Variants in COL25A1 observed in about 807,000 individuals in gnomAD.
COL25A1 encodes the protein collagen type XXV alpha 1 chain.
COL25A1 carries 103 observed loss-of-function variants against 128.4 expected under a neutral mutation model. The ratio of observed to expected loss-of-function variants is 0.80; its 90% CI spans 0.68 to 0.94. The LOEUF (loss-of-function observed/expected upper bound fraction) is 0.94. Ranked by LOEUF, COL25A1 falls within the 40% of genes least tolerant of loss-of-function variation. The probability of loss-of-function intolerance (pLI) is 0.00; values close to 1 mark genes in which losing one functional copy is unlikely to be tolerated. For synonymous variants in COL25A1, 279 were observed against 277.2 expected (o/e 1.01, Z -0.06); for missense variants, 745 against 840.0 (o/e 0.89, Z 1.40).
intron 3 of COL25A1, among the ~76,000 whole-genome samples, chr4:109,136,176 T>A (rs1047333032): frequency 6.6e-6 from 1 of 152,044 alleles, no homozygotes; most frequent in Non-Finnish European, 1.5e-5. Context: ...GGCGGGTGGA[T>A]CACCTGAGGT....
intron 11 of COL25A1, among the ~76,000 whole-genome samples, chr4:108,924,241 T>C (rs1272056286): frequency 1.3e-5 from 2 of 152,200 alleles, no homozygotes; most frequent in East Asian, 1.9e-4. Context: ...CTAATCTGCA[T>C]ATAAACCTTT....
At chr4:108,925,977 A>C (rs1182891359) in intron 11 of COL25A1, among the ~76,000 whole-genome samples, 1 of 152,220 alleles carries the variant, frequency 6.6e-6, no homozygotes, top group East Asian at 1.9e-4. Flanking sequence ...AACCCAAGTA[A>C]ATCTTCAAAG....
intron 3 of COL25A1, among the ~76,000 whole-genome samples, chr4:109,136,619 G>T (rs890196949): frequency 6.6e-6 from 1 of 152,342 alleles, no homozygotes; most frequent in Non-Finnish European, 1.5e-5. Flanking sequence ...GAACTGAAAA[G>T]GTTGATTTGC....
At chr4:108,996,231 A>G (rs1431362285) in intron 6 of COL25A1, among the ~76,000 whole-genome samples, 8 of 151,262 alleles carry the variant, frequency 5.3e-5, no homozygotes, top group Admixed American at 2.6e-4. Flanking sequence ...CCCATCTCAC[A>G]TGCAAAGACA....
At chr4:109,094,390 G>C (rs1765215473) in intron 3 of COL25A1, among the ~76,000 whole-genome samples, 1 of 152,130 alleles carries the variant, frequency 6.6e-6, no homozygotes, top group African/African-American at 2.4e-5. Context: ...AGCCCCATCA[G>C]AAGAGAATCA....
At chr4:109,191,826 G>A (rs919202233) in intron 3 of COL25A1, among the ~76,000 whole-genome samples, 1 of 152,176 alleles carries the variant, frequency 6.6e-6, no homozygotes, top group African/African-American at 2.4e-5. Context: ...GTGTATGAAA[G>A]CACTGTGGAG....
rs934346854 is a variant in COL25A1, at chr4:108,834,497, T to TA, written c.1657-2065dup. ...AAATGTAACACTTCAAACAACATAA[T>TA]ACGCAGTTACAGGGTTCTGGGATGA... On this transcript the variant is annotated intron_variant, in intron 31 of 37. Coordinates refer to ENST00000399132, the MANE Select transcript of COL25A1 (RefSeq NM_198721.4). 9.4e-6 allele frequency: 9 copies of TA among 958,420 alleles called. No homozygotes were observed. The African/African-American group carries it at 1.5e-4, about 16-fold the overall frequency. The allele number at this position is 958,420 out of a possible 1,614,324, so 59.4% of individuals were successfully genotyped here.
intron 3 of COL25A1, among the ~76,000 whole-genome samples, chr4:109,177,358 C>A (rs1348577532): frequency 6.6e-6 from 1 of 152,114 alleles, no homozygotes; most frequent in Admixed American, 6.5e-5. Context: ...TAAAGAACCA[C>A]CCACTCATCA....
chr4:108,832,509 AGGTGAAT>A, intron 31 of COL25A1, 76 bp from the exon 32 acceptor site: 1 of 952,748 alleles, frequency 1.0e-6, no homozygotes, highest in Non-Finnish European at 1.6e-6. Context: ...GATTTTTCCT[AGGTGAAT>A]GGTGCCTAAG....
chr4:108,889,786 T>C, intron 16 of COL25A1, 53 bp from the exon 17 acceptor site: 1 of 1,511,832 alleles, frequency 6.6e-7, no homozygotes, highest in Non-Finnish European at 9.2e-7. Context: ...ATAGGAAACA[T>C]CACAAGCACT....
At chr4:109,157,268 C>T (rs1023000555) in intron 3 of COL25A1, among the ~76,000 whole-genome samples, 4 of 152,086 alleles carry the variant, frequency 2.6e-5, no homozygotes, top group African/African-American at 4.8e-5. Flanking sequence ...TTTAAAATCT[C>T]GTATCTTCAA....
At chr4:108,940,900 T>C (rs1748008193) in intron 9 of COL25A1, among the ~76,000 whole-genome samples, 2 of 152,234 alleles carry the variant, frequency 1.3e-5, no homozygotes, top group South Asian at 4.1e-4. Flanking sequence ...TTGGAAATAG[T>C]GTGTATGTTA....
chr4:109,172,805 C>G (rs1196678914), intron 3 of COL25A1, among the ~76,000 whole-genome samples: 1 of 152,190 alleles, frequency 6.6e-6, no homozygotes, highest in African/African-American at 2.4e-5. Flanking sequence ...TCTGTCAAGC[C>G]TTCACTTTAT....
At position 108,906,073 on chromosome 4, in the gene COL25A1, A is replaced by G. The variant is rs374407925; in HGVS notation, c.781-4901T>C. ...CACCAGCTTCCAACATTCTCTTAAA[A>G]GCAAGTCAGGCATAGAGCTCCTTCA... On this transcript the variant is annotated intron_variant, in intron 13 of 37. Coordinates refer to ENST00000399132, the MANE Select transcript of COL25A1 (RefSeq NM_198721.4). Among the ~76,000 whole-genome samples, 4 of 152,282 alleles carry G rather than the reference A, an allele frequency of 2.6e-5. No individual in the cohort carries two copies. The East Asian group carries it at 7.7e-4, about 29-fold the overall frequency.
At chr4:108,888,436 C>T (rs1407543467) in intron 18 of COL25A1, among the ~76,000 whole-genome samples, 1 of 152,068 alleles carries the variant, frequency 6.6e-6, no homozygotes, top group Non-Finnish European at 1.5e-5. Flanking sequence ...ATATAGAATC[C>T]ACATTTACTT....
chr4:109,289,765 T>C (rs1724279298), intron 3 of COL25A1, among the ~76,000 whole-genome samples: 1 of 152,022 alleles, frequency 6.6e-6, no homozygotes, highest in African/African-American at 2.4e-5. Context: ...ATCCTCTGTT[T>C]TTGTAGTTTC....
intron 3 of COL25A1, among the ~76,000 whole-genome samples, chr4:109,179,229 G>A (rs983204616): frequency 2.0e-5 from 3 of 152,132 alleles, no homozygotes; most frequent in Non-Finnish European, 4.4e-5. Context: ...CTCCAAGCTG[G>A]CAAGAGAAGC....
At chr4:109,226,793 G>A (rs10032357) in intron 3 of COL25A1, among the ~76,000 whole-genome samples, 11,978 of 152,058 alleles carry the variant, frequency 0.079, 1,160 homozygotes, top group African/African-American at 0.23. Context: ...ACACGTGATA[G>A]GCCACCTTAT....
At chr4:109,296,151 G>A (rs1031792774) in intron 3 of COL25A1, among the ~76,000 whole-genome samples, 1 of 152,040 alleles carries the variant, frequency 6.6e-6, no homozygotes, top group Non-Finnish European at 1.5e-5. Context: ...CATGGGGTAA[G>A]TATACCAGGT....
Sources: allele counts gnomAD v4.1 joint callset (sites outside exome capture counted in the v4.1 genomes callset), GRCh38; gene constraint gnomAD v4.1.1; transcripts MANE v1.5; gene names NCBI Gene and HGNC (gene_info 2026-07-23, HGNC 2026-07-21).